STX5: variants seen among roughly 807,000 people sequenced by gnomAD.
STX5 encodes the protein syntaxin 5.
In STX5, 15 loss-of-function variants were observed where a neutral mutation model predicts 42.9. The observed-to-expected ratio is 0.35, with a 90% confidence interval of 0.23 to 0.54. The LOEUF (loss-of-function observed/expected upper bound fraction) is 0.54, where lower values mean the gene tolerates loss of function less well. Ranked by LOEUF, STX5 falls within the 20% of genes least tolerant of loss-of-function variation. The probability of loss-of-function intolerance (pLI) is 0.91; values close to 1 mark genes in which losing one functional copy is unlikely to be tolerated. For synonymous variants in STX5, 184 were observed against 173.2 expected, an observed-to-expected ratio of 1.06 and a Z score of -0.49; for missense variants, 430 against 455.0, an observed-to-expected ratio of 0.95 and a Z score of 0.50.
chr11:62,831,835 G>C (rs1246801489), intron 1 of STX5, 119 bp downstream of exon 1: 2 of 448,228 alleles, frequency 4.5e-6, no homozygotes, highest in African/African-American at 4.0e-5. Context: ...CCCGGAGCCG[G>C]GCCGGCAGGA....
rs2084784351 is a variant in STX5 at position 62,825,435 on chromosome 11, C to G, written c.528G>C (p.Val176=). 1.9e-6 allele frequency: 3 copies of G among 1,614,140 alleles called. No homozygotes were observed. The East Asian group carries it at 6.7e-5, about 36-fold the overall frequency. ...RHLQTHSNTI[V]VSLQSKLASM... Reference sequence around the variant, plus strand: ...CCCCAGGTCCCACCTGCAAGGAGACCACAATGGTGTTGGAGTGGGTCTGCA... The same window carrying G: ...CCCCAGGTCCCACCTGCAAGGAGACGACAATGGTGTTGGAGTGGGTCTGCA... The change falls in exon 6 of 11, where the codon GTG becomes GTC. Residue 176 remains valine, a synonymous_variant. Transcript: ENST00000294179.
rs184011411 is a variant in STX5 at position 62,823,299 on chromosome 11, C to T, written c.908+867G>A. 2.9e-3 allele frequency among the ~76,000 whole-genome samples: 448 copies of T among 152,040 alleles called. 2 individuals carry two copies. Among genetic ancestry groups the T allele is most frequent in the African/African-American group, 9.3e-3 (384 of 41,470 alleles). ...AAGTCATCCTCCCGCCTCAGCCTCC[C>T]GAGTAGCTGGAACCACAGGCACACG... On this transcript the variant is annotated intron_variant, in intron 10 of 10. Transcript: ENST00000294179.
Position 62,831,937 on chromosome 11 carries a change from C to A in STX5, c.-20+17G>T. 1 of 458,824 alleles carries A rather than the reference C, an allele frequency of 2.2e-6. No individual in the cohort carries two copies. The highest frequency in any genetic ancestry group is 4.4e-6 in the Non-Finnish European group (1 of 228,854). The allele number at this position is 458,824 out of a possible 1,614,324, so 28.4% of individuals were successfully genotyped here. ...AGCTGACACGGCGGCCAGATCCCCT[C>A]TTAAAGCGAATCTTACCTCCCCTCT... is the stretch of plus-strand genomic sequence containing the variant. On this transcript the variant is annotated intron_variant, in intron 1 of 10. Transcript: ENST00000294179.
rs200667045 is a variant in STX5, at chr11:62,807,662, G to A, written c.909-34C>T. 7.9e-5 allele frequency: 128 copies of A among 1,612,112 alleles called. No homozygotes were observed. In the East Asian group the frequency reaches 2.8e-3, roughly 36 times the overall value. ...AAGGCCGGGAGAAGAGGAAACAAAA[G>A]GACACTGGATTAAAAAGAATGCTGT... is the stretch of plus-strand genomic sequence containing the variant. On this transcript the variant is annotated intron_variant, in intron 10 of 10. Coordinates refer to ENST00000294179, the MANE Select transcript of STX5 (RefSeq NM_003164.5).
chr11:62,809,729 T>C (rs562249042), intron 10 of STX5, among the ~76,000 whole-genome samples: 1 of 134,684 alleles, frequency 7.4e-6, no homozygotes, highest in East Asian at 2.2e-4. Context: ...TTCAGGAGAA[T>C]GCCTTATTAT....
intron 10 of STX5, among the ~76,000 whole-genome samples, chr11:62,810,764 G>A (rs576181357): frequency 6.6e-6 from 1 of 152,306 alleles, no homozygotes; most frequent in Admixed American, 6.5e-5. Context: ...CAGATCCACT[G>A]GCATGCAGGG....
At chr11:62,810,713 T>C (rs186050434) in intron 10 of STX5, among the ~76,000 whole-genome samples, 40 of 152,276 alleles carry the variant, frequency 2.6e-4, no homozygotes, top group Non-Finnish European at 5.3e-4. Context: ...CCCAAAAAAC[T>C]TCAGACTTAA....
chr11:62,829,215 G>A (rs1299590718), intron 2 of STX5, among the ~76,000 whole-genome samples: 2 of 151,396 alleles, frequency 1.3e-5, no homozygotes, highest in African/African-American at 4.9e-5. Flanking sequence ...ACCTGAGGTC[G>A]GGAGTTTGAG....
chr11:62,814,896 CTGATT>C, intron 10 of STX5, among the ~76,000 whole-genome samples: 1 of 152,080 alleles, frequency 6.6e-6, no homozygotes, highest in East Asian at 1.9e-4. Context: ...GCCTGGCTTT[CTGATT>C]TAATATTTAA....
At position 62,807,410 on chromosome 11, in the gene STX5, C is replaced by CAG; in HGVS notation, c.*58_*59insCT. ...TGCACAGGCTCAGTGGCAGCACTGG[C>CAG]CACTTGCCTTCCCAGGAGGGTCCCA... On this transcript the variant is annotated 3_prime_UTR_variant, in exon 11 of 11. Coordinates refer to ENST00000294179, the MANE Select transcript of STX5 (RefSeq NM_003164.5). 6.3e-7 allele frequency: 1 copy of CAG among 1,585,904 alleles called. No homozygotes were observed. The highest frequency in any genetic ancestry group is 8.6e-7 in the Non-Finnish European group (1 of 1,164,174).
rs191636955 is a variant in STX5, at chr11:62,809,316, G to C, written c.909-1688C>G. Among the ~76,000 whole-genome samples, 2 of 150,442 alleles carry C rather than the reference G, an allele frequency of 1.3e-5. 1 individual carries two copies. Among genetic ancestry groups the C allele is most frequent in the East Asian group, 4.0e-4 (2 of 5,016 alleles). On this transcript the variant is annotated intron_variant, in intron 10 of 10. Coordinates refer to ENST00000294179, the MANE Select transcript of STX5 (RefSeq NM_003164.5). Reference sequence around the variant, plus strand: ...AAAAAAAAAAAAAAAAAATCAGATGGGGAAACTTGAACATGGGCTGATTAC... The same window carrying C: ...AAAAAAAAAAAAAAAAAATCAGATGCGGAAACTTGAACATGGGCTGATTAC...
chr11:62,825,574 G>A (rs368879675), intron 5 of STX5, 35 bp from the exon 6 acceptor site: 2 of 1,583,990 alleles, frequency 1.3e-6, no homozygotes, highest in African/African-American at 2.7e-5. Context: ...CAAAGTATTA[G>A]CCAAGGAGTC....
At chr11:62,813,182 G>A (rs1339997586) in intron 10 of STX5, among the ~76,000 whole-genome samples, 1 of 151,840 alleles carries the variant, frequency 6.6e-6, no homozygotes, top group African/African-American at 2.4e-5. Context: ...GCTGAGGCAG[G>A]AGAATCACTT....
At chr11:62,823,415 T>C (rs1466040396) in intron 10 of STX5, among the ~76,000 whole-genome samples, 2 of 152,138 alleles carry the variant, frequency 1.3e-5, no homozygotes, top group African/African-American at 4.8e-5. Flanking sequence ...TTCAACTGAC[T>C]GTGTGGGCCT....
At chr11:62,809,589 G>C (rs1019227929) in intron 10 of STX5, among the ~76,000 whole-genome samples, 3 of 141,764 alleles carry the variant, frequency 2.1e-5, no homozygotes, top group African/African-American at 7.8e-5. Flanking sequence ...CAGGAGAATG[G>C]TGTGAACCTG....
rs1245871643 is a variant in STX5 at position 62,830,388 on chromosome 11, G to A, written c.225+631C>T. 3 of 371,870 alleles carry A rather than the reference G, an allele frequency of 8.1e-6. No homozygotes were observed. The East Asian group carries it at 2.2e-4, about 27-fold the overall frequency. The allele number at this position is 371,870 out of a possible 1,614,324, so 23.0% of individuals were successfully genotyped here. ...CAACATAGTGAGACACTGCCTGTAC[G>A]AAAAAATTTTAAAATTAGCTGAGTG... is the stretch of plus-strand genomic sequence containing the variant. On this transcript the variant is annotated intron_variant, in intron 2 of 10. Coordinates refer to ENST00000294179, the MANE Select transcript of STX5 (RefSeq NM_003164.5).
At chr11:62,821,886 C>A (rs2084743995) in intron 10 of STX5, among the ~76,000 whole-genome samples, 1 of 151,504 alleles carries the variant, frequency 6.6e-6, no homozygotes, top group South Asian at 2.1e-4. Flanking sequence ...ATTAGCTGGG[C>A]GTGGTCTCAC....
chr11:62,809,761 A>G (rs2730034), intron 10 of STX5, among the ~76,000 whole-genome samples: 23,809 of 150,132 alleles, frequency 0.16, 3,641 homozygotes, highest in African/African-American at 0.4. Context: ...AGTATCTAGG[A>G]ATAAAACAGC....
chr11:62,809,598 T>C (rs1179683892), intron 10 of STX5, among the ~76,000 whole-genome samples: 3 of 123,782 alleles, frequency 2.4e-5, no homozygotes, highest in Non-Finnish European at 4.8e-5. Context: ...GGTGTGAACC[T>C]GGGAGGCAGA....
Sources: allele counts gnomAD v4.1 joint callset (sites outside exome capture counted in the v4.1 genomes callset), GRCh38; gene constraint gnomAD v4.1.1; transcripts MANE v1.5; gene names NCBI Gene and HGNC (gene_info 2026-07-23, HGNC 2026-07-21).